MCEE: variants seen among roughly 807,000 people sequenced by gnomAD.
MCEE encodes methylmalonyl-CoA epimerase, mitochondrial.
In MCEE, 6 loss-of-function variants were observed where a neutral mutation model predicts 12.9. The observed-to-expected ratio is 0.47, with a 90% CI of 0.26 to 0.92. The LOEUF (loss-of-function observed/expected upper bound fraction) is 0.92. MCEE is among the 40% of genes least tolerant of loss of function. The pLI is 0.16. For synonymous variants in MCEE, 78 were observed against 77.9 expected (o/e 1.00, Z -0.01); for missense variants, 214 against 212.1 (o/e 1.01, Z -0.05).
At chr2:71,125,083 T>C (rs2103641061) in intron 1 of MCEE, among the ~76,000 whole-genome samples, 1 of 150,196 alleles carries the variant, frequency 6.7e-6, no homozygotes, top group East Asian at 1.9e-4. Flanking sequence ...GCCTCCTGGG[T>C]TCAAGTGATT....
At chr2:71,130,133 C>T (rs1408107731) in intron 1 of MCEE, 47 bp downstream of exon 1, 1 of 1,592,702 alleles carries the variant, frequency 6.3e-7, no homozygotes, top group Non-Finnish European at 8.6e-7. Context: ...ACCGCCGTTC[C>T]CACGCTCCCT....
In MCEE at chr2:71,124,181, C is replaced by T. The variant is rs749875300; in HGVS notation, c.378+25G>A. On this transcript the variant is annotated intron_variant, in intron 2 of 2. Transcript: ENST00000244217. ...TTTTTTAAAAGAGAGATTTAAAATA[C>T]CAGGCATTAAAATAATTAAAATACC... The T allele has an allele frequency of 2.6e-6, 4 of 1,527,154 alleles. No individual in the cohort carries two copies. In the East Asian group the frequency reaches 6.7e-5, roughly 26 times the overall value. 94.6% of individuals were successfully genotyped at this position (1,527,154 alleles called of 1,614,324 possible).
chr2:71,119,372 A>T (rs1367396708), intron 2 of MCEE, among the ~76,000 whole-genome samples: 1 of 140,706 alleles, frequency 7.1e-6, no homozygotes, highest in East Asian at 5.8e-4. Flanking sequence ...ATTTCAACAC[A>T]GACAAAGTAC....
intron 2 of MCEE, among the ~76,000 whole-genome samples, chr2:71,113,148 C>T (rs1672922795): frequency 6.6e-6 from 1 of 152,130 alleles, no homozygotes; most frequent in South Asian, 2.1e-4. Context: ...CTAAGTTTCT[C>T]ACTGTTGGAA....
chr2:71,127,593 C>T (rs944178798), intron 1 of MCEE, among the ~76,000 whole-genome samples: 6 of 152,132 alleles, frequency 3.9e-5, no homozygotes, highest in Admixed American at 3.9e-4. Flanking sequence ...CAAAGTTGTG[C>T]GACCTTCACA....
At chr2:71,114,533 C>G (rs1672954025) in intron 2 of MCEE, among the ~76,000 whole-genome samples, 1 of 152,124 alleles carries the variant, frequency 6.6e-6, no homozygotes, top group Admixed American at 6.5e-5. Context: ...TTTTTTAAAG[C>G]ATCTGATGAG....
intron 2 of MCEE, among the ~76,000 whole-genome samples, chr2:71,119,472 T>C (rs1673058530): frequency 1.3e-5 from 2 of 150,798 alleles, no homozygotes; most frequent in African/African-American, 2.5e-5. Flanking sequence ...TGTATTTGGC[T>C]AAACTAGTAA....
Position 71,129,917 on chromosome 2 carries a change from G to A in MCEE, c.40+263C>T, listed in dbSNP as rs1673332220. The A allele has an allele frequency of 5.2e-6, 3 of 576,602 alleles. No individual in the cohort carries two copies. In the South Asian group the frequency reaches 6.0e-5, roughly 11 times the overall value. 35.7% of individuals were successfully genotyped at this position (576,602 alleles called of 1,614,324 possible). Reference sequence around the variant, plus strand: ...CCGGGCAAGTTCCCTCGACTCTCCCGCCCACATACTGGAAGGTGCAGAGCC... The same window carrying A: ...CCGGGCAAGTTCCCTCGACTCTCCCACCCACATACTGGAAGGTGCAGAGCC... On this transcript the variant is annotated intron_variant, in intron 1 of 2. Transcript: ENST00000244217.
Position 71,129,965 on chromosome 2 carries a change from G to A in MCEE, c.40+215C>T, listed in dbSNP as rs1340565503. Reference sequence around the variant, plus strand: ...GCCCAAGGCGCACAGCTCTCGGATGGAAATGGGACTCATGCACAAGGCAAT... The same window carrying A: ...GCCCAAGGCGCACAGCTCTCGGATGAAAATGGGACTCATGCACAAGGCAAT... On this transcript the variant is annotated intron_variant, in intron 1 of 2. Coordinates refer to ENST00000244217, the MANE Select transcript of MCEE (RefSeq NM_032601.4). The A allele has an allele frequency of 4.7e-6, 3 of 635,872 alleles. No homozygotes were observed. In the South Asian group the frequency reaches 5.3e-5, roughly 11 times the overall value. 39.4% of individuals were successfully genotyped at this position (635,872 alleles called of 1,614,324 possible). A position where few individuals can be genotyped will look rare whatever the true frequency, so the allele number is the denominator to read the frequency against.
At chr2:71,125,173 G>T (rs145094353) in intron 1 of MCEE, among the ~76,000 whole-genome samples, 2 of 109,396 alleles carry the variant, frequency 1.8e-5, no homozygotes, top group African/African-American at 6.1e-5. Context: ...GTGTGTATGT[G>T]TGTGTATATA....
intron 1 of MCEE, among the ~76,000 whole-genome samples, chr2:71,125,205 A>ATTTTTT (rs1342992417): frequency 1.4e-4 from 6 of 42,658 alleles, no homozygotes; most frequent in South Asian, 8.7e-4. Flanking sequence ...ATATATATAT[A>ATTTTTT]TATATATTTT....
In MCEE at chr2:71,120,354, C is replaced by A. The variant is rs1429534676; in HGVS notation, c.378+3852G>T. 2.7e-5 allele frequency among the ~76,000 whole-genome samples: 4 copies of A among 150,054 alleles called. 1 individual carries two copies. The highest frequency in any genetic ancestry group is 1.0e-4 in the African/African-American group (4 of 39,480). ...GAAGGTGACCCCCCTCTTGCCATCGCAGGCAGCAGTTAGGAGCACAAACAC... is the reference window on the plus strand; with the variant it reads ...GAAGGTGACCCCCCTCTTGCCATCGAAGGCAGCAGTTAGGAGCACAAACAC... On this transcript the variant is annotated intron_variant, in intron 2 of 2. Coordinates refer to ENST00000244217, the MANE Select transcript of MCEE (RefSeq NM_032601.4).
chr2:71,113,818 A>C (rs1348580170), intron 2 of MCEE, among the ~76,000 whole-genome samples: 2 of 152,218 alleles, frequency 1.3e-5, no homozygotes, highest in African/African-American at 4.8e-5. Context: ...ACAGCTTTCC[A>C]GTGGAGAAAC....
chr2:71,113,096 C>T (rs927420554), intron 2 of MCEE, among the ~76,000 whole-genome samples: 9 of 152,030 alleles, frequency 5.9e-5, no homozygotes, highest in African/African-American at 9.7e-5. Context: ...CACATCATAC[C>T]GAAATTGAAC....
chr2:71,113,505 TAGA>T (rs1672930606), intron 2 of MCEE, among the ~76,000 whole-genome samples: 1 of 152,044 alleles, frequency 6.6e-6, no homozygotes, highest in African/African-American at 2.4e-5. Context: ...GCATCTCATA[TAGA>T]AGATGAATTT....
chr2:71,126,757 G>A (rs1349644375), intron 1 of MCEE, among the ~76,000 whole-genome samples: 1 of 152,086 alleles, frequency 6.6e-6, no homozygotes, highest in Non-Finnish European at 1.5e-5. Flanking sequence ...TTTCTCCTTT[G>A]ACTTGTAGAA....
chr2:71,127,685 G>A (rs1354212016), intron 1 of MCEE, among the ~76,000 whole-genome samples: 1 of 152,238 alleles, frequency 6.6e-6, no homozygotes, highest in Non-Finnish European at 1.5e-5. Context: ...GGAGTGCAAT[G>A]GCGCAATCTT....
In MCEE at chr2:71,118,879, A is replaced by G. The variant is rs1046030406; in HGVS notation, c.378+5327T>C. ...TGCTCCCTTGGGCACAAACGCACAA[A>G]CCCTGCTCAGACTCGGACACCTTGC... On this transcript the variant is annotated intron_variant, in intron 2 of 2. Transcript: ENST00000244217. Among the ~76,000 whole-genome samples the G allele has an allele frequency of 8.7e-5, 13 of 149,654 alleles. 1 individual carries two copies. Among genetic ancestry groups the G allele is most frequent in the African/African-American group, 3.1e-4 (12 of 39,216 alleles).
intron 1 of MCEE, among the ~76,000 whole-genome samples, chr2:71,125,276 T>C (rs1320739583): frequency 1.4e-5 from 2 of 146,038 alleles, no homozygotes; most frequent in African/African-American, 5.0e-5. Context: ...TGGCGCGATC[T>C]GGGCTCACTG....
Sources: allele counts gnomAD v4.1 joint callset (sites outside exome capture counted in the v4.1 genomes callset), GRCh38; gene constraint gnomAD v4.1.1; transcripts MANE v1.5; gene names NCBI Gene and HGNC (gene_info 2026-07-23, HGNC 2026-07-21).